The following NCALD variants were observed in gnomAD, a reference collection of about 807,000 sequenced individuals.
The protein encoded by NCALD is neurocalcin delta.
Under a neutral mutation model 18.6 loss-of-function variants are expected in NCALD, and 10 were observed. That is an observed-to-expected ratio of 0.54 (90% CI 0.33 to 0.91). The LOEUF (loss-of-function observed/expected upper bound fraction) is 0.91. NCALD is among the 40% of genes least tolerant of loss of function. The pLI, the probability that NCALD is intolerant of heterozygous loss-of-function variation, is 0.03. For synonymous variants in NCALD, 88 were observed against 87.4 expected (o/e 1.01, Z -0.04); for missense variants, 184 against 247.6 (o/e 0.74, Z 1.72).
chr8:102,006,581 G>C (rs1478566637), intron 2 of NCALD, among the ~76,000 whole-genome samples: 1 of 152,152 alleles, frequency 6.6e-6, no homozygotes, highest in East Asian at 1.9e-4. Context: ...TCTAACAGGA[G>C]GCACCAGTAG....
intron 4 of NCALD, among the ~76,000 whole-genome samples, chr8:101,831,754 C>T (rs1489139138): frequency 1.3e-5 from 2 of 152,076 alleles, no homozygotes; most frequent in African/African-American, 4.8e-5. Flanking sequence ...TAGATCAGAA[C>T]CACCCTGTGC....
intron 2 of NCALD, among the ~76,000 whole-genome samples, chr8:101,983,521 C>T (rs188031799): frequency 7.2e-5 from 11 of 152,314 alleles, no homozygotes; most frequent in African/African-American, 2.6e-4. Flanking sequence ...ATGTTAAATT[C>T]ACCCATGCAA....
chr8:101,879,183 C>T (rs950085061), intron 4 of NCALD, among the ~76,000 whole-genome samples: 2 of 152,066 alleles, frequency 1.3e-5, no homozygotes, highest in African/African-American at 2.4e-5. Flanking sequence ...CTGGTGTGTC[C>T]GGAATTGGTG....
intron 1 of NCALD, among the ~76,000 whole-genome samples, chr8:101,763,936 A>C: frequency 6.7e-6 from 1 of 148,682 alleles, no homozygotes; most frequent in African/African-American, 2.5e-5. Context: ...AGATGAGCCA[A>C]TTCTTTATGA....
chr8:101,843,223 G>T (rs910373929), intron 4 of NCALD, among the ~76,000 whole-genome samples: 7 of 152,206 alleles, frequency 4.6e-5, no homozygotes, highest in African/African-American at 1.7e-4. Context: ...TTGAATAAAT[G>T]AGTCAAACTA....
At chr8:101,712,463 GGC>G (rs1815841609) in intron 2 of NCALD, among the ~76,000 whole-genome samples, 3 of 151,960 alleles carry the variant, frequency 2.0e-5, no homozygotes, top group Admixed American at 2.0e-4. Context: ...GGCACAGACT[GGC>G]AAATTGGATA....
At chr8:102,015,615 AG>A (rs1563543758) in intron 2 of NCALD, among the ~76,000 whole-genome samples, 1 of 152,188 alleles carries the variant, frequency 6.6e-6, no homozygotes, top group Admixed American at 6.5e-5. Context: ...CAACAAGAAA[AG>A]CTTCATAATC....
At chr8:101,784,613 A>G (rs1812148567) in intron 1 of NCALD, among the ~76,000 whole-genome samples, 1 of 152,064 alleles carries the variant, frequency 6.6e-6, no homozygotes, top group Non-Finnish European at 1.5e-5. Flanking sequence ...CCTGGGCAAC[A>G]TAGTGAGACC....
intron 4 of NCALD, among the ~76,000 whole-genome samples, chr8:101,821,747 A>G (rs532467550): frequency 6.6e-6 from 1 of 152,236 alleles, no homozygotes; most frequent in South Asian, 2.1e-4. Context: ...TGCAAATTCA[A>G]GATTGGCACC....
At chr8:101,695,962 GT>G (rs199517049) in intron 2 of NCALD, among the ~76,000 whole-genome samples, 5 of 151,838 alleles carry the variant, frequency 3.3e-5, no homozygotes, top group South Asian at 4.2e-4. Context: ...CCTTTTATAT[GT>G]TTTTTTTAGT....
chr8:102,031,047 A>G (rs867441528), intron 1 of NCALD, among the ~76,000 whole-genome samples: 1 of 152,160 alleles, frequency 6.6e-6, no homozygotes. Context: ...ATATTACAAA[A>G]AGACAAACAA....
chr8:102,068,563 A>T (rs1326049918), intron 1 of NCALD, among the ~76,000 whole-genome samples: 1 of 152,100 alleles, frequency 6.6e-6, no homozygotes, highest in East Asian at 1.9e-4. Flanking sequence ...ACCCCTGGCT[A>T]CCCAGTTTAA....
intron 4 of NCALD, among the ~76,000 whole-genome samples, chr8:101,809,617 G>A (rs1183113976): frequency 6.6e-6 from 1 of 152,166 alleles, no homozygotes; most frequent in African/African-American, 2.4e-5. Context: ...CATGATCTCA[G>A]TTCACTGCAA....
chr8:101,831,999 C>G (rs147261187), intron 4 of NCALD, among the ~76,000 whole-genome samples: 2 of 152,142 alleles, frequency 1.3e-5, no homozygotes, highest in Non-Finnish European at 2.9e-5. Context: ...CAGATAAAGG[C>G]CTCTTAAGCA....
rs201185047 is a variant in NCALD at position 101,719,399 on chromosome 8, A to G, written c.231T>C (p.Asp77=). The G allele has an allele frequency of 5.0e-6, 8 of 1,614,250 alleles. No homozygotes were observed. In the East Asian group the frequency reaches 1.6e-4, roughly 31 times the overall value. ...HVFRTFDANG[D]GTIDFREFII... ...TGAATTCTCTAAAGTCTATTGTCCC[A>G]TCTCCATTTGCATCGAAGGTGCGGA... The change falls in exon 2 of 4, where the codon GAT becomes GAC. Residue 77 remains aspartate (D), a synonymous_variant. Transcript: ENST00000220931.
intron 1 of NCALD, among the ~76,000 whole-genome samples, chr8:101,789,900 A>T (rs193247666): frequency 2.6e-5 from 4 of 152,318 alleles, no homozygotes; most frequent in Admixed American, 2.0e-4. Context: ...CAAAGAAAAC[A>T]ATTTGTAGTA....
At chr8:101,928,452 A>G (rs905486976) in intron 2 of NCALD, among the ~76,000 whole-genome samples, 2 of 152,054 alleles carry the variant, frequency 1.3e-5, no homozygotes, top group African/African-American at 4.8e-5. Flanking sequence ...ACCTCTTTGG[A>G]TGATAATTTT....
chr8:101,811,793 G>A (rs559087147), intron 4 of NCALD, among the ~76,000 whole-genome samples: 1 of 152,136 alleles, frequency 6.6e-6, no homozygotes, highest in African/African-American at 2.4e-5. Flanking sequence ...AGAGGTAAAA[G>A]GTTGCCTAGT....
chr8:101,974,256 C>T (rs1820341548), intron 2 of NCALD, among the ~76,000 whole-genome samples: 1 of 152,100 alleles, frequency 6.6e-6, no homozygotes, highest in South Asian at 2.1e-4. Flanking sequence ...TTGCACCAAC[C>T]TAATATAAAT....
Sources: gnomAD v4.1 joint callset for allele counts (sites outside exome capture counted in the v4.1 genomes callset) on GRCh38, gnomAD v4.1.1 for gene constraint, MANE v1.5 for transcripts, NCBI Gene and HGNC (gene_info 2026-07-23, HGNC 2026-07-21) for gene names.